Variants in PRKAA1 observed in about 807,000 individuals in gnomAD.
The protein encoded by PRKAA1 is protein kinase AMP-activated catalytic subunit alpha 1, also known as 5'-AMP-activated protein kinase catalytic subunit alpha-1.
In PRKAA1, 23 loss-of-function variants were observed where a neutral mutation model predicts 56.9. The observed-to-expected ratio is 0.40, with a 90% CI of 0.29 to 0.57. The LOEUF is 0.57. Among genes scored for constraint, PRKAA1 ranks in the 20% least tolerant of loss-of-function variants. PRKAA1 has a pLI of 0.39. For missense variants in PRKAA1, 413 were observed against 679.7 expected, an observed-to-expected ratio of 0.61 and a Z score of 4.36; for synonymous variants, 226 against 227.0, an observed-to-expected ratio of 1.00 and a Z score of 0.04.
intron 1 of PRKAA1, among the ~76,000 whole-genome samples, chr5:40,793,281 T>C (rs879179230): frequency 1.3e-5 from 2 of 151,258 alleles, no homozygotes; most frequent in Admixed American, 6.6e-5. Flanking sequence ...GAACCTAACA[T>C]CTTGATAACT....
intron 8 of PRKAA1, chr5:40,764,252 G>A: frequency 1.2e-5 from 3 of 246,600 alleles, no homozygotes; most frequent in Non-Finnish European, 2.3e-5. Context: ...AAATGCAGCA[G>A]AAAACTATCA....
At chr5:40,795,002 T>TACACACACACACACACACAC (rs1268975851) in intron 1 of PRKAA1, among the ~76,000 whole-genome samples, 1 of 57,604 alleles carries the variant, frequency 1.7e-5, no homozygotes, top group African/African-American at 5.5e-5. Context: ...GGTGTATACA[T>TACACACACACACACACACAC]ATATATACAC....
chr5:40,762,315 T>TA lies in PRKAA1; in HGVS notation c.*462dup. On this transcript the variant is annotated 3_prime_UTR_variant, in exon 9 of 9. Transcript: ENST00000397128. ...ATATGGAAGAAGTTATCCAGACTGT[T>TA]ACTACTGCTGGAAGATACTAGCTAT... 1 of 161,912 alleles carries TA rather than the reference T, an allele frequency of 6.2e-6. No homozygotes were observed. Among genetic ancestry groups the TA allele is most frequent in the Admixed American group, 6.0e-5 (1 of 16,736 alleles). The allele number at this position is 161,912 out of a possible 1,614,324, so 10.0% of individuals were successfully genotyped here. A position where few individuals can be genotyped will look rare whatever the true frequency, so the allele number is the denominator to read the frequency against.
At chr5:40,769,878 TAAA>T (rs3071208) in intron 4 of PRKAA1, among the ~76,000 whole-genome samples, 3 of 109,890 alleles carry the variant, frequency 2.7e-5, no homozygotes, top group East Asian at 2.7e-4. Context: ...TCTGATTCTT[TAAA>T]AAAAAAAAAA....
intron 1 of PRKAA1, among the ~76,000 whole-genome samples, chr5:40,791,747 G>T (rs1744726075): frequency 1.3e-5 from 2 of 152,144 alleles, no homozygotes; most frequent in Admixed American, 1.3e-4. Flanking sequence ...AACATTTCAA[G>T]CACACCAAGG....
At chr5:40,793,154 C>G (rs567355758) in intron 1 of PRKAA1, among the ~76,000 whole-genome samples, 1 of 152,014 alleles carries the variant, frequency 6.6e-6, no homozygotes, top group Non-Finnish European at 1.5e-5. Flanking sequence ...CGAAGATACA[C>G]CCAGCCTACC....
intron 1 of PRKAA1, among the ~76,000 whole-genome samples, chr5:40,797,437 T>C (rs546508176): frequency 6.1e-4 from 93 of 152,142 alleles, no homozygotes; most frequent in African/African-American, 2.1e-3. Flanking sequence ...GCATCGCAAA[T>C]ACTGAACCAG....
chr5:40,790,818 C>T (rs972657533), intron 1 of PRKAA1, among the ~76,000 whole-genome samples: 9 of 152,284 alleles, frequency 5.9e-5, no homozygotes, highest in Admixed American at 5.2e-4. Context: ...GGATTACAGG[C>T]GTGAGCCACC....
At chr5:40,769,890 A>AC (rs1358274835) in intron 4 of PRKAA1, among the ~76,000 whole-genome samples, 2 of 150,674 alleles carry the variant, frequency 1.3e-5, no homozygotes, top group African/African-American at 4.9e-5. Context: ...AAAAAAAAAA[A>AC]AAAAAAAAAA....
chr5:40,774,549 A>ACT lies in PRKAA1; in HGVS notation c.363+860_363+861insAG, dbSNP rs1554031839. ...CCTGTTTCCCATTTCTCCAGGCAGA[A>ACT]TTTTTTTTTTTTTTTTTTTTTTGGT... On this transcript the variant is annotated intron_variant, in intron 3 of 8. Coordinates refer to ENST00000397128, the MANE Select transcript of PRKAA1 (RefSeq NM_006251.6). Among the ~76,000 whole-genome samples, 304 of 125,050 alleles carry ACT rather than the reference A, an allele frequency of 2.4e-3. 29 individuals carry two copies. The highest frequency in any genetic ancestry group is 5.1e-3 in the African/African-American group (166 of 32,518). 82.0% of individuals were successfully genotyped at this position (125,050 alleles called of 152,430 possible).
intron 1 of PRKAA1, among the ~76,000 whole-genome samples, chr5:40,788,234 G>C (rs1744576229): frequency 6.6e-6 from 1 of 151,958 alleles, no homozygotes; most frequent in African/African-American, 2.4e-5. Flanking sequence ...ATAATCAATG[G>C]ATTTTTGACA....
intron 5 of PRKAA1, among the ~76,000 whole-genome samples, chr5:40,769,173 C>T (rs892867778): frequency 6.6e-6 from 1 of 152,098 alleles, no homozygotes; most frequent in African/African-American, 2.4e-5. Context: ...ACTTTTTAAA[C>T]ACCCTAGTTT....
At chr5:40,772,102 A>C (rs573202688) in intron 3 of PRKAA1, among the ~76,000 whole-genome samples, 16 of 152,364 alleles carry the variant, frequency 1.1e-4, no homozygotes, top group African/African-American at 2.9e-4. Flanking sequence ...ATATGACTAC[A>C]TTGTAACAGC....
At chr5:40,778,870 T>G (rs1251761727) in intron 1 of PRKAA1, among the ~76,000 whole-genome samples, 1 of 150,474 alleles carries the variant, frequency 6.6e-6, no homozygotes, top group Non-Finnish European at 1.5e-5. Flanking sequence ...CACTGCAGCG[T>G]TAACCTCCCC....
In PRKAA1 at chr5:40,767,620, G is replaced by A. The variant is rs1299322811; in HGVS notation, c.667C>T (p.Leu223Phe). The A allele has an allele frequency of 1.2e-6, 2 of 1,613,592 alleles. No homozygotes were observed. The highest frequency in any genetic ancestry group is 1.7e-6 in the Non-Finnish European group (2 of 1,179,728). Residue 223 changes from leucine to phenylalanine, a missense_variant, in exon 6 of 9, where the codon CTT becomes TTT. Coordinates refer to ENST00000397128, the MANE Select transcript of PRKAA1 (RefSeq NM_006251.6). ...GGCACATGGTCATCATCAAATGGAAGGGTTCCACATAATAAAGCATAGAGA... is the reference window on the plus strand; with the variant it reads ...GGCACATGGTCATCATCAAATGGAAAGGTTCCACATAATAAAGCATAGAGA... ...VILYALLCGT[L>F]PFDDDHVPTL...
rs1743115859 is a variant in PRKAA1 at position 40,760,153 on chromosome 5, T to C, written c.*2625A>G. 1 of 152,720 alleles carries C rather than the reference T, an allele frequency of 6.5e-6. No individual in the cohort carries two copies. The highest frequency in any genetic ancestry group is 2.4e-5 in the African/African-American group (1 of 41,442). 9.5% of individuals were successfully genotyped at this position (152,720 alleles called of 1,614,324 possible). The stretch of plus-strand genomic sequence containing the variant: ...GCCTCCCTTACCTCTTCAATATTAG[T>C]AACAATTTGCAAACAACAAAAAAAT... On this transcript the variant is annotated 3_prime_UTR_variant, in exon 9 of 9. Coordinates refer to ENST00000397128, the MANE Select transcript of PRKAA1 (RefSeq NM_006251.6).
At chr5:40,779,633 C>T (rs747929914) in intron 1 of PRKAA1, among the ~76,000 whole-genome samples, 54 of 152,078 alleles carry the variant, frequency 3.6e-4, no homozygotes, top group Admixed American at 2.7e-3. Context: ...TTCATAACTG[C>T]GGTCATCTGA....
chr5:40,775,529 A>G, intron 2 of PRKAA1, 26 bp from the exon 3 acceptor site: 1 of 1,473,650 alleles, frequency 6.8e-7, no homozygotes. Context: ...ATTGTCTACA[A>G]ATATTAAAAC....
At chr5:40,795,401 A>G (rs1044544508) in intron 1 of PRKAA1, among the ~76,000 whole-genome samples, 2 of 152,228 alleles carry the variant, frequency 1.3e-5, no homozygotes, top group African/African-American at 2.4e-5. Flanking sequence ...AATTTAAAAA[A>G]TAAAACAAAT....
Sources: gnomAD v4.1 joint callset for allele counts (sites outside exome capture counted in the v4.1 genomes callset) on GRCh38, gnomAD v4.1.1 for gene constraint, MANE v1.5 for transcripts, NCBI Gene and HGNC (gene_info 2026-07-23, HGNC 2026-07-21) for gene names.